DGKB: variants seen among roughly 807,000 people sequenced by gnomAD.
DGKB encodes 90 kDa diacylglycerol kinase.
DGKB carries 67 observed loss-of-function variants against 114.3 expected under a neutral mutation model. The observed-to-expected ratio is 0.59, with a 90% CI of 0.48 to 0.72. The LOEUF (loss-of-function observed/expected upper bound fraction) is 0.72. DGKB is among the 30% of genes least tolerant of loss of function. DGKB has a pLI of 0.00. For synonymous variants in DGKB, 398 were observed against 323.1 expected (o/e 1.23, Z -2.49); for missense variants, 907 against 975.2 (o/e 0.93, Z 0.93).
intron 20 of DGKB, among the ~76,000 whole-genome samples, chr7:14,513,616 C>T (rs1788314052): frequency 6.6e-6 from 1 of 151,826 alleles, no homozygotes; most frequent in South Asian, 2.1e-4. Flanking sequence ...ATTTTGGGCA[C>T]TATAGTTGAA....
rs77965223 is a variant in DGKB, at chr7:14,433,256, T to C, written c.1835+44905A>G. 5.4e-3 allele frequency among the ~76,000 whole-genome samples: 829 copies of C among 152,268 alleles called. 6 individuals carry two copies. Among genetic ancestry groups the C allele is most frequent in the African/African-American group, 0.019 (770 of 41,566 alleles). Reference sequence around the variant, plus strand: ...CTCCCCATGAGATTAGCTGATGCCTTTTTTTGAGACTTCATTGCAGTTCAA... The same window carrying C: ...CTCCCCATGAGATTAGCTGATGCCTCTTTTTGAGACTTCATTGCAGTTCAA... On this transcript the variant is annotated intron_variant, in intron 21 of 25. Coordinates refer to ENST00000402815, the MANE Select transcript of DGKB (RefSeq NM_001350709.2).
At chr7:14,503,986 A>G (rs1250211199) in intron 20 of DGKB, among the ~76,000 whole-genome samples, 1 of 152,210 alleles carries the variant, frequency 6.6e-6, no homozygotes, top group Non-Finnish European at 1.5e-5. Flanking sequence ...TGTACTGTGT[A>G]AGCACTAAAA....
chr7:14,647,043 T>C (rs1466072461), intron 13 of DGKB, among the ~76,000 whole-genome samples: 1 of 151,788 alleles, frequency 6.6e-6, no homozygotes, highest in Non-Finnish European at 1.5e-5. Context: ...GTTAGTTTTC[T>C]GAAAAGATAA....
chr7:14,408,960 A>G lies in DGKB; in HGVS notation c.1836-63569T>C, dbSNP rs139375026. ...CTAGTTTAGTTTATCATTTACTACC[A>G]TAAAGTATACATACATTTATTATTA... is the stretch of plus-strand genomic sequence containing the variant. On this transcript the variant is annotated intron_variant, in intron 21 of 25. Coordinates refer to ENST00000402815, the MANE Select transcript of DGKB (RefSeq NM_001350709.2). Among the ~76,000 whole-genome samples the G allele has an allele frequency of 5.7e-3, 864 of 152,290 alleles. 6 individuals carry two copies. Among genetic ancestry groups the G allele is most frequent in the African/African-American group, 0.019 (801 of 41,570 alleles).
intron 21 of DGKB, among the ~76,000 whole-genome samples, chr7:14,459,896 C>T (rs769097800): frequency 6.6e-6 from 1 of 152,286 alleles, no homozygotes; most frequent in South Asian, 2.1e-4. Context: ...AACAGCAGAT[C>T]TCTCTGCAGA....
intron 8 of DGKB, among the ~76,000 whole-genome samples, chr7:14,697,614 A>G (rs572536282): frequency 6.6e-6 from 1 of 151,940 alleles, no homozygotes; most frequent in East Asian, 1.9e-4. Flanking sequence ...TTATCAAAAG[A>G]TAAAATGAAA....
intron 1 of DGKB, among the ~76,000 whole-genome samples, chr7:14,855,554 A>C (rs1850024868): frequency 6.6e-6 from 1 of 152,026 alleles, no homozygotes; most frequent in African/African-American, 2.4e-5. Context: ...CACAATACAT[A>C]CATACCCCCA....
chr7:14,547,020 C>A (rs1463542880), intron 20 of DGKB, among the ~76,000 whole-genome samples: 1 of 152,166 alleles, frequency 6.6e-6, no homozygotes, highest in Admixed American at 6.5e-5. Flanking sequence ...TCTTAGTTAA[C>A]TCATATTAAA....
chr7:14,200,264 C>T (rs575648520), intron 23 of DGKB, among the ~76,000 whole-genome samples: 2 of 152,132 alleles, frequency 1.3e-5, no homozygotes, highest in South Asian at 4.1e-4. Context: ...TATGAGGCAG[C>T]AATGAGAGAA....
At chr7:14,418,193 A>T (rs1023717514) in intron 21 of DGKB, among the ~76,000 whole-genome samples, 3 of 137,126 alleles carry the variant, frequency 2.2e-5, no homozygotes, top group African/African-American at 7.8e-5. Context: ...AAATATAAAA[A>T]ATTTTATATT....
intron 3 of DGKB, among the ~76,000 whole-genome samples, chr7:14,756,072 G>A (rs912531055): frequency 6.6e-6 from 1 of 151,954 alleles, no homozygotes; most frequent in Non-Finnish European, 1.5e-5. Flanking sequence ...GTAAGACTAA[G>A]TCTTGAGAGT....
chr7:14,736,893 C>T (rs1344910434), intron 4 of DGKB, among the ~76,000 whole-genome samples: 1 of 152,120 alleles, frequency 6.6e-6, no homozygotes, highest in Admixed American at 6.6e-5. Context: ...CAACTTCCAA[C>T]CTCAAGCTTA....
In DGKB at chr7:14,155,665, G is replaced by A. The variant is rs368528136; in HGVS notation, c.2305-6427C>T. ...TGGAGGCAGATTTAAGAGAGATTGAGGAGGCAGAAGTACAGGATACGATGG... is the reference window on the plus strand; with the variant it reads ...TGGAGGCAGATTTAAGAGAGATTGAAGAGGCAGAAGTACAGGATACGATGG... On this transcript the variant is annotated intron_variant, in intron 25 of 25. Coordinates refer to ENST00000402815, the MANE Select transcript of DGKB (RefSeq NM_001350709.2). Among the ~76,000 whole-genome samples, 5 of 152,218 alleles carry A rather than the reference G, an allele frequency of 3.3e-5. No individual in the cohort carries two copies. The East Asian group carries it at 9.7e-4, about 29-fold the overall frequency.
chr7:14,486,732 G>T (rs1783870786), intron 20 of DGKB, among the ~76,000 whole-genome samples: 1 of 152,162 alleles, frequency 6.6e-6, no homozygotes, highest in Non-Finnish European at 1.5e-5. Context: ...AGGGACCACA[G>T]TCCTTGAGAT....
intron 1 of DGKB, among the ~76,000 whole-genome samples, chr7:14,932,595 C>G (rs1562885413): frequency 6.6e-6 from 1 of 152,150 alleles, no homozygotes; most frequent in Non-Finnish European, 1.5e-5. Context: ...TATCTCAATG[C>G]TTTCCATATC....
rs528822425 is a variant in DGKB at position 14,385,686 on chromosome 7, T to C, written c.1836-40295A>G. 7.2e-5 allele frequency among the ~76,000 whole-genome samples: 11 copies of C among 152,288 alleles called. No homozygotes were observed. The East Asian group carries it at 2.1e-3, about 29-fold the overall frequency. Reference sequence around the variant, plus strand: ...GATCAAATGCATAAAGCAAAATGTATAGGGTATCAAATAAATTGCATTGAA... The same window carrying C: ...GATCAAATGCATAAAGCAAAATGTACAGGGTATCAAATAAATTGCATTGAA... On this transcript the variant is annotated intron_variant, in intron 21 of 25. Coordinates refer to ENST00000402815, the MANE Select transcript of DGKB (RefSeq NM_001350709.2).
chr7:14,586,343 C>A (rs3951243), intron 17 of DGKB, among the ~76,000 whole-genome samples: 2 of 151,692 alleles, frequency 1.3e-5, no homozygotes, highest in Admixed American at 6.6e-5. Context: ...AGAGCAAGCC[C>A]CTAACTCTAT....
intron 21 of DGKB, among the ~76,000 whole-genome samples, chr7:14,386,688 C>T (rs931707517): frequency 6.6e-6 from 1 of 152,186 alleles, no homozygotes; most frequent in Non-Finnish European, 1.5e-5. Context: ...ATAACTGTCC[C>T]TCTGATGAAC....
In DGKB at chr7:14,170,155, A is replaced by G. The variant is rs776121948; in HGVS notation, c.2304+6684T>C. Among the ~76,000 whole-genome samples, 179 of 74,214 alleles carry G rather than the reference A, an allele frequency of 2.4e-3. 5 individuals carry two copies. The highest frequency in any genetic ancestry group is 4.9e-3 in the Admixed American group (31 of 6,358). 48.7% of individuals were successfully genotyped at this position (74,214 alleles called of 152,430 possible). On this transcript the variant is annotated intron_variant, in intron 25 of 25. Transcript: ENST00000402815. Reference sequence around the variant, plus strand: ...ATCTCAAAAAAAAAAAAAAGAAAGAAAGAAAGAAAGAAAGAAAGAAAGAAA... The same window carrying G: ...ATCTCAAAAAAAAAAAAAAGAAAGAGAGAAAGAAAGAAAGAAAGAAAGAAA...
Sources: allele counts gnomAD v4.1 joint callset (sites outside exome capture counted in the v4.1 genomes callset), GRCh38; gene constraint gnomAD v4.1.1; transcripts MANE v1.5; gene names NCBI Gene and HGNC (gene_info 2026-07-23, HGNC 2026-07-21).